SLC35F6: variants seen among roughly 807,000 people sequenced by gnomAD.
The protein encoded by SLC35F6 is solute carrier family 35 member F6.
Under a neutral mutation model 29.4 loss-of-function variants are expected in SLC35F6, and 26 were observed. That is an observed-to-expected ratio of 0.89 (90% CI 0.65 to 1.23). The LOEUF (loss-of-function observed/expected upper bound fraction) is 1.23, where lower values mean the gene tolerates loss of function less well. SLC35F6 is among the 50% of genes most tolerant of loss of function. The probability of loss-of-function intolerance (pLI) is 0.00; values close to 1 mark genes in which losing one functional copy is unlikely to be tolerated. For synonymous variants in SLC35F6, 174 were observed against 206.6 expected (o/e 0.84, Z 1.35); for missense variants, 428 against 487.8 (o/e 0.88, Z 1.15).
At chr2:26,767,942 G>T (rs572697212) in intron 1 of SLC35F6, among the ~76,000 whole-genome samples, 15 of 152,170 alleles carry the variant, frequency 9.9e-5, no homozygotes, top group Admixed American at 2.6e-4. Flanking sequence ...AGGCTGTAGG[G>T]CCCTCCCAGC....
chr2:26,772,053 A>C (rs1403934047), intron 1 of SLC35F6, among the ~76,000 whole-genome samples: 1 of 152,176 alleles, frequency 6.6e-6, no homozygotes, highest in Non-Finnish European at 1.5e-5. Context: ...AACCACAAGG[A>C]ATCTTAACTA....
chr2:26,773,346 A>C (rs1483237605), intron 1 of SLC35F6, among the ~76,000 whole-genome samples: 36 of 151,332 alleles, frequency 2.4e-4, no homozygotes, highest in Admixed American at 2.4e-3. Context: ...TAAAAATACA[A>C]AAAAAAATTA....
At chr2:26,764,860 A>C in intron 1 of SLC35F6, 2 of 985,284 alleles carry the variant, frequency 2.0e-6, no homozygotes, top group Non-Finnish European at 2.4e-6. Flanking sequence ...GAGGTGCCCC[A>C]CGGCCCCTCA....
intron 1 of SLC35F6, among the ~76,000 whole-genome samples, chr2:26,773,264 G>A (rs1664230312): frequency 6.6e-6 from 1 of 152,076 alleles, no homozygotes; most frequent in Non-Finnish European, 1.5e-5. Flanking sequence ...ACGTTGGGAG[G>A]CTGAGGAGGG....
intron 1 of SLC35F6, chr2:26,764,777 G>A (rs912241918): frequency 3.0e-6 from 3 of 985,052 alleles, no homozygotes; most frequent in African/African-American, 3.5e-5. Flanking sequence ...CTGGACTTGT[G>A]CACATGAGCC....
In SLC35F6 at chr2:26,764,422, G is replaced by T; in HGVS notation, c.73G>T (p.Ala25Ser). Reference protein sequence around the residue: ...LVTGSINTLSAKWADNFMAEG... With the variant: ...LVTGSINTLSSKWADNFMAEG... ...TACCGGCTCCATCAACACGCTCTCGGCAAAGTGAGTCTGGGCCCTGCCGGG... is the reference window on the plus strand; with the variant it reads ...TACCGGCTCCATCAACACGCTCTCGTCAAAGTGAGTCTGGGCCCTGCCGGG... Residue 25 changes from alanine (A) to serine (S), a missense_variant, in exon 1 of 6, where the codon GCA becomes TCA. Physicochemically the swap from Ala to Ser is moderately conservative, Grantham distance 99. Coordinates refer to ENST00000344420, the MANE Select transcript of SLC35F6 (RefSeq NM_017877.4). The T allele has an allele frequency of 1.3e-6, 2 of 1,550,962 alleles. No individual in the cohort carries two copies. The highest frequency in any genetic ancestry group is 1.7e-6 in the Non-Finnish European group (2 of 1,146,846).
At chr2:26,777,392 G>A (rs982209695) in intron 5 of SLC35F6, among the ~76,000 whole-genome samples, 1 of 152,226 alleles carries the variant, frequency 6.6e-6, no homozygotes, top group African/African-American at 2.4e-5. Context: ...AGATACAGCT[G>A]CGCTTTCAAA....
chr2:26,765,125 A>G (rs1047544235), intron 1 of SLC35F6: 13 of 514,098 alleles, frequency 2.5e-5, no homozygotes, highest in Non-Finnish European at 2.8e-5. Context: ...AGGCTGCTGC[A>G]TAGCAGATGA....
At chr2:26,776,288 C>T in intron 4 of SLC35F6, 84 bp from the exon 5 acceptor site, 1 of 1,244,402 alleles carries the variant, frequency 8.0e-7, no homozygotes, top group Non-Finnish European at 1.2e-6. Context: ...CAGGGGCTGG[C>T]ATGTTTGGTC....
chr2:26,765,099 A>C (rs1664073810), intron 1 of SLC35F6: 2 of 776,410 alleles, frequency 2.6e-6, no homozygotes, highest in Non-Finnish European at 3.1e-6. Flanking sequence ...GGTTTGGTGC[A>C]GGAAAAACCA....
rs2148058727 is a variant in SLC35F6, at chr2:26,775,449, T to C, written c.323-15T>C. The C allele has an allele frequency of 6.2e-7, 1 of 1,609,118 alleles. No homozygotes were observed. ...GCCTTGGGAAGCTAACTGTAATTTG[T>C]TTCTCCTTTCCTAGCTCTGAACATG... On this transcript the variant is annotated splice_polypyrimidine_tract_variant and intron_variant, in intron 3 of 5. Transcript: ENST00000344420. This position sits in a 1 kb window ranked among gnomAD's most constrained non-coding sequence, Gnocchi z 4.6.
intron 1 of SLC35F6, among the ~76,000 whole-genome samples, chr2:26,766,152 G>T (rs1488268876): frequency 6.6e-6 from 1 of 152,190 alleles, no homozygotes; most frequent in Non-Finnish European, 1.5e-5. Context: ...GACAGCTGGT[G>T]TGGGGCCTCT....
At chr2:26,771,628 A>G (rs1038818814) in intron 1 of SLC35F6, among the ~76,000 whole-genome samples, 1 of 152,122 alleles carries the variant, frequency 6.6e-6, no homozygotes, top group Non-Finnish European at 1.5e-5. Flanking sequence ...CCCATGTTCC[A>G]TGTCCTGTCC....
Position 26,776,500 on chromosome 2 carries a change from G to A in SLC35F6, c.646+18G>A, listed in dbSNP as rs752180894. The A allele has an allele frequency of 1.2e-5, 20 of 1,610,930 alleles. No homozygotes were observed. The Admixed American group carries it at 1.5e-4, about 12-fold the overall frequency. ...CACTGAGGGTGTGTGTGGGCACAGG[G>A]GCCTGGAAGGAGTGGGGTAGAAGGG... On this transcript the variant is annotated intron_variant, in intron 5 of 5. Transcript: ENST00000344420.
chr2:26,770,265 G>A (rs1446785639), intron 1 of SLC35F6, among the ~76,000 whole-genome samples: 1 of 152,106 alleles, frequency 6.6e-6, no homozygotes, highest in African/African-American at 2.4e-5. Context: ...AATTAGCCGG[G>A]CATGGTGGCC....
In SLC35F6 at chr2:26,780,977, T is replaced by C. The variant is rs1572636950; in HGVS notation, c.*2466T>C. On this transcript the variant is annotated 3_prime_UTR_variant, in exon 6 of 6. Coordinates refer to ENST00000344420, the MANE Select transcript of SLC35F6 (RefSeq NM_017877.4). ...GGGAGGGAGGGTCCATTCCACCAGC[T>C]TTGAATCCCAGGGTCCCCTCAGCTT... 6.6e-6 allele frequency: 1 copy of C among 152,274 alleles called. No individual in the cohort carries two copies. The highest frequency in any genetic ancestry group is 1.5e-5 in the Non-Finnish European group (1 of 68,048). 9.4% of individuals were successfully genotyped at this position (152,274 alleles called of 1,614,324 possible).
rs139622666 is a variant in SLC35F6, at chr2:26,775,698, C to T, written c.535+22C>T. 1,545 of 1,540,896 alleles carry T rather than the reference C, an allele frequency of 1.0e-3. 3 individuals are homozygous for T. The highest frequency in any genetic ancestry group is 9.3e-3 in the African/African-American group (681 of 73,348). On this transcript the variant is annotated intron_variant, in intron 4 of 5. Transcript: ENST00000344420. This position sits in a 1 kb window ranked among gnomAD's most constrained non-coding sequence, Gnocchi z 4.6. ...ACAGGTGCGGCCAGGGGCAGGGACA[C>T]GGGGCTGCCCTATCCTGCCCTGTCC...
At chr2:26,764,698 C>A in intron 1 of SLC35F6, 1 of 756,752 alleles carries the variant, frequency 1.3e-6, no homozygotes, top group Non-Finnish European at 1.6e-6. Context: ...TTGGCCGATT[C>A]CTTTCCACGG....
Position 26,778,531 on chromosome 2 carries a change from C to T in SLC35F6, c.*20C>T. ...AGCTGAGGTTCCCTGGAGGCTTCTA[C>T]TGCCACCCGGGTGCTCCTTCTCCCT... On this transcript the variant is annotated 3_prime_UTR_variant, in exon 6 of 6. Transcript: ENST00000344420. 6.4e-6 allele frequency: 10 copies of T among 1,559,788 alleles called. No homozygotes were observed. The highest frequency in any genetic ancestry group is 8.6e-6 in the Non-Finnish European group (10 of 1,156,124).
Sources: allele counts gnomAD v4.1 joint callset (sites outside exome capture counted in the v4.1 genomes callset), GRCh38; gene constraint gnomAD v4.1.1; non-coding constraint Gnocchi (gnomAD v3.1); transcripts MANE v1.5; gene names NCBI Gene and HGNC (gene_info 2026-07-23, HGNC 2026-07-21).